The following PEBP1 variants were observed in gnomAD, a reference collection of about 807,000 sequenced individuals.
PEBP1 encodes the protein phosphatidylethanolamine binding protein 1.
Under a neutral mutation model 22.7 loss-of-function variants are expected in PEBP1, and 17 were observed. The observed-to-expected ratio is 0.75, with a 90% CI of 0.51 to 1.12. PEBP1 has a LOEUF of 1.12. Among genes scored for constraint, PEBP1 ranks in the 50% most tolerant of loss-of-function variants. The pLI, the probability that PEBP1 is intolerant of heterozygous loss-of-function variation, is 0.00. For missense variants in PEBP1, 205 were observed against 243.5 expected (o/e 0.84, Z 1.05); for synonymous variants, 106 against 104.3 (o/e 1.02, Z -0.10).
chr12:118,138,118 A>G lies in PEBP1; in HGVS notation c.215A>G (p.Asp72Gly). 6.2e-7 allele frequency: 1 copy of G among 1,613,566 alleles called. No individual in the cohort carries two copies. Among genetic ancestry groups the G allele is most frequent in the Non-Finnish European group, 8.5e-7 (1 of 1,179,662 alleles). ...KLYTLVLTDP[D>G]APSRKDPKYR... is the part of the protein sequence containing the mutation. ...TACACCTTGGTCCTGACAGACCCGG[A>G]TGCTCCCAGCAGGAAGGATCCCAAA... The change falls in exon 2 of 4, where the codon GAT becomes GGT. Residue 72 changes from aspartate (D) to glycine (G), a missense_variant. Asp to Gly is a moderately conservative substitution (Grantham distance 94, BLOSUM62 -1). Transcript: ENST00000261313.
At chr12:118,141,027 C>T (rs781769305) in intron 3 of PEBP1, among the ~76,000 whole-genome samples, 1 of 152,160 alleles carries the variant, frequency 6.6e-6, no homozygotes, top group Non-Finnish European at 1.5e-5. Context: ...ACATTTCCAT[C>T]GCCCAACGAC....
At chr12:118,140,195 G>C (rs2034102559) in intron 3 of PEBP1, among the ~76,000 whole-genome samples, 1 of 152,196 alleles carries the variant, frequency 6.6e-6, no homozygotes, top group Admixed American at 6.6e-5. Flanking sequence ...CACCTAAGCT[G>C]ATGGTGAGAT....
intron 3 of PEBP1, among the ~76,000 whole-genome samples, chr12:118,143,225 C>T (rs778562684): frequency 2.6e-5 from 4 of 152,132 alleles, no homozygotes; most frequent in Non-Finnish European, 2.9e-5. Context: ...TCCCCATTGA[C>T]CAACAGCTCC....
intron 3 of PEBP1, among the ~76,000 whole-genome samples, chr12:118,142,398 G>T (rs1220812403): frequency 6.6e-6 from 1 of 151,746 alleles, no homozygotes. Flanking sequence ...TCTCCATGTT[G>T]GGCAGGCTGG....
In PEBP1 at chr12:118,139,539, C is replaced by T. The variant is rs1459265521; in HGVS notation, c.334C>T (p.Pro112Ser). Reference protein sequence around the residue: ...VLSDYVGSGPPKGTGLHRYVW... With the variant: ...VLSDYVGSGPSKGTGLHRYVW... ...CTCCGATTATGTGGGCTCGGGGCCT[C>T]CCAAGGGCACAGGTTAGTAAAGGTT... The change falls in exon 3 of 4, where the codon CCC becomes TCC. Residue 112 changes from proline to serine, a missense_variant. Transcript: ENST00000261313. The T allele has an allele frequency of 2.5e-6, 4 of 1,610,924 alleles. No homozygotes were observed. Among genetic ancestry groups the T allele is most frequent in the Non-Finnish European group, 2.5e-6 (3 of 1,177,816 alleles).
At chr12:118,143,701 C>T (rs1368138720) in intron 3 of PEBP1, among the ~76,000 whole-genome samples, 1 of 151,978 alleles carries the variant, frequency 6.6e-6, no homozygotes, top group Non-Finnish European at 1.5e-5. Flanking sequence ...GGAGTTTTGC[C>T]AACATGGTGA....
chr12:118,139,627 T>C (rs1030710638), intron 3 of PEBP1, 76 bp downstream of exon 3: 2 of 883,646 alleles, frequency 2.3e-6, no homozygotes, highest in Non-Finnish European at 3.7e-6. Flanking sequence ...AATGCTTTTC[T>C]TTTGAGAGCC....
intron 3 of PEBP1, among the ~76,000 whole-genome samples, chr12:118,140,217 T>C (rs190875596): frequency 6.6e-6 from 1 of 152,326 alleles, no homozygotes; most frequent in East Asian, 1.9e-4. Flanking sequence ...TGCATTCTTA[T>C]TGCCTGGTGT....
In PEBP1 at chr12:118,144,568, C is replaced by A; in HGVS notation, c.347-18C>A. 1 of 1,604,042 alleles carries A rather than the reference C, an allele frequency of 6.2e-7. No individual in the cohort carries two copies. Among genetic ancestry groups the A allele is most frequent in the East Asian group, 2.3e-5 (1 of 44,390 alleles). On this transcript the variant is annotated intron_variant, in intron 3 of 3. Transcript: ENST00000261313. ...GTGCTGGGCTGTGTGTACATCTTCC[C>A]TCTGCCTCTCCCCACAGGCCTCCAC...
In PEBP1 at chr12:118,136,559, T is replaced by C. The variant is rs1592925970; in HGVS notation, c.135+215T>C. The stretch of plus-strand genomic sequence containing the variant: ...CCGGCCTGTGGCGTGGCCAGGCAGG[T>C]TCGGCCTGCGGCAGAAATTCATTCA... On this transcript the variant is annotated intron_variant, in intron 1 of 3. Transcript: ENST00000261313. This position sits in a 1 kb window ranked among gnomAD's most constrained non-coding sequence, Gnocchi z 5.6. 6.6e-6 allele frequency among the ~76,000 whole-genome samples: 1 copy of C among 152,074 alleles called. No individual in the cohort carries two copies. The highest frequency in any genetic ancestry group is 2.4e-5 in the African/African-American group (1 of 41,402).
intron 3 of PEBP1, among the ~76,000 whole-genome samples, chr12:118,139,836 C>T (rs1477467602): frequency 6.6e-6 from 1 of 152,116 alleles, no homozygotes; most frequent in South Asian, 2.1e-4. Context: ...TTGCAGAAAG[C>T]TTAGCATGGC....
intron 3 of PEBP1, among the ~76,000 whole-genome samples, chr12:118,141,313 C>T (rs1347996144): frequency 1.3e-5 from 2 of 152,112 alleles, no homozygotes; most frequent in Non-Finnish European, 2.9e-5. Flanking sequence ...GTCAAGGTTT[C>T]ACCATGTTGG....
intron 1 of PEBP1, among the ~76,000 whole-genome samples, chr12:118,137,088 C>G (rs752468250): frequency 6.6e-6 from 1 of 152,138 alleles, no homozygotes; most frequent in Non-Finnish European, 1.5e-5. Flanking sequence ...CACAGCCTCC[C>G]TTTTCCTGCT....
At chr12:118,141,173 A>T (rs1455819341) in intron 3 of PEBP1, among the ~76,000 whole-genome samples, 1 of 151,290 alleles carries the variant, frequency 6.6e-6, no homozygotes, top group Non-Finnish European at 1.5e-5. Context: ...CTGGAGTGCA[A>T]TGGCGTGATC....
Position 118,144,835 on chromosome 12 carries a change from A to T in PEBP1, c.*32A>T, listed in dbSNP as rs754829304. ...AGCTTGGGGACCTGAACTGTCCTGG[A>T]GGCCCCAAGCCATGTTCCCCAGTTC... is the stretch of plus-strand genomic sequence containing the variant. On this transcript the variant is annotated 3_prime_UTR_variant, in exon 4 of 4. Transcript: ENST00000261313. 1.2e-5 allele frequency: 19 copies of T among 1,612,890 alleles called. No individual in the cohort carries two copies. Among genetic ancestry groups the T allele is most frequent in the Non-Finnish European group, 1.5e-5 (18 of 1,179,966 alleles).
chr12:118,138,284 G>T, intron 2 of PEBP1, 136 bp downstream of exon 2: 1 of 651,882 alleles, frequency 1.5e-6, no homozygotes, highest in Non-Finnish European at 2.8e-6. Context: ...TGCCTTTCCT[G>T]CCCTTTTGCC....
In PEBP1 at chr12:118,145,057, A is replaced by T; in HGVS notation, c.*254A>T. ...TTTTGGTACTGTGATGGGGTCATCAAATTATTAATCTGAAAATAGCAACCC... is the reference window on the plus strand; with the variant it reads ...TTTTGGTACTGTGATGGGGTCATCATATTATTAATCTGAAAATAGCAACCC... On this transcript the variant is annotated 3_prime_UTR_variant, in exon 4 of 4. Transcript: ENST00000261313. The T allele has an allele frequency of 7.1e-7, 1 of 1,406,982 alleles. No homozygotes were observed. The highest frequency in any genetic ancestry group is 9.5e-7 in the Non-Finnish European group (1 of 1,056,988). The allele number at this position is 1,406,982 out of a possible 1,614,324, so 87.2% of individuals were successfully genotyped here. A position where few individuals can be genotyped will look rare whatever the true frequency, so the allele number is the denominator to read the frequency against.
chr12:118,136,939 C>T lies in PEBP1; in HGVS notation c.135+595C>T, dbSNP rs2034067650. On this transcript the variant is annotated intron_variant, in intron 1 of 3. Transcript: ENST00000261313. The surrounding 1 kb of genome is among the most constrained non-coding windows in gnomAD (Gnocchi z 5.6). ...GCTGGGGCTGCCGAAAGTGAAGAAA[C>T]TAGATTTGCAGACGCCACTGCTAGT... Among the ~76,000 whole-genome samples the T allele has an allele frequency of 6.6e-6, 1 of 152,218 alleles. No homozygotes were observed. The highest frequency in any genetic ancestry group is 1.5e-5 in the Non-Finnish European group (1 of 68,038).
intron 3 of PEBP1, among the ~76,000 whole-genome samples, chr12:118,144,079 TCTC>T (rs2034135839): frequency 6.6e-6 from 1 of 152,132 alleles, no homozygotes; most frequent in Non-Finnish European, 1.5e-5. Flanking sequence ...AAGAAAATGT[TCTC>T]CTTTATCCTA....
Sources: gnomAD v4.1 joint callset for allele counts (sites outside exome capture counted in the v4.1 genomes callset) on GRCh38, gnomAD v4.1.1 for gene constraint, Gnocchi (gnomAD v3.1) non-coding constraint, MANE v1.5 for transcripts, NCBI Gene and HGNC (gene_info 2026-07-23, HGNC 2026-07-21) for gene names.